Variants in MYT1L observed in about 807,000 individuals in gnomAD.
MYT1L encodes the protein myelin transcription factor 1 like, also known as myelin transcription factor 1-like protein.
Under a neutral mutation model 126.7 loss-of-function variants are expected in MYT1L, and 12 were observed. The observed-to-expected ratio is 0.09, with a 90% CI of 0.06 to 0.15. The LOEUF (loss-of-function observed/expected upper bound fraction) is 0.15. Among genes scored for constraint, MYT1L ranks in the 10% least tolerant of loss-of-function variants. The pLI is 1.00. For synonymous variants in MYT1L, 541 were observed against 604.2 expected, an observed-to-expected ratio of 0.90 and a Z score of 1.53; for missense variants, 979 against 1,585.2, an observed-to-expected ratio of 0.62 and a Z score of 6.49.
At chr2:2,321,280 G>A (rs1231102140) in intron 1 of MYT1L, among the ~76,000 whole-genome samples, 1 of 152,158 alleles carries the variant, frequency 6.6e-6, no homozygotes, top group East Asian at 1.9e-4. Context: ...CGGCAGATGC[G>A]GCACTGATTT....
chr2:2,236,826 TTTTTTTGATGGAG>T (rs2094332593), intron 2 of MYT1L, among the ~76,000 whole-genome samples: 1 of 134,316 alleles, frequency 7.4e-6, no homozygotes, highest in Non-Finnish European at 1.5e-5. Flanking sequence ...TTTTTTTTTT[TTTTTTTGATGGAG>T]TTTCGCTCTT....
intron 2 of MYT1L, among the ~76,000 whole-genome samples, chr2:2,185,838 AG>A (rs1406670669): frequency 2.4e-5 from 3 of 122,478 alleles, no homozygotes; most frequent in African/African-American, 1.0e-4. Context: ...TCCTTCTGTG[AG>A]GGGGACGCAG....
chr2:2,248,438 T>C (rs2094574960), intron 2 of MYT1L, among the ~76,000 whole-genome samples: 1 of 152,148 alleles, frequency 6.6e-6, no homozygotes. Context: ...TGCTGAATTC[T>C]ACCAAGCATT....
chr2:1,956,219 ATCTATCTG>A (rs2058353631), intron 8 of MYT1L, among the ~76,000 whole-genome samples: 2 of 133,048 alleles, frequency 1.5e-5, no homozygotes, highest in Admixed American at 7.0e-5. Flanking sequence ...CTATCTATCT[ATCTATCTG>A]TCTATCATCT....
rs77166718 is a variant in MYT1L at position 2,321,332 on chromosome 2, G to A, written c.-521+9635C>T. 1.9e-3 allele frequency among the ~76,000 whole-genome samples: 291 copies of A among 152,242 alleles called. 2 individuals are homozygous for A. Among genetic ancestry groups the A allele is most frequent in the African/African-American group, 6.6e-3 (275 of 41,530 alleles). Reference sequence around the variant, plus strand: ...TACCAGGCAGCTCCAGAGCAGACTCGGTTTGATGGCTCTCTATGGGGTGCC... The same window carrying A: ...TACCAGGCAGCTCCAGAGCAGACTCAGTTTGATGGCTCTCTATGGGGTGCC... On this transcript the variant is annotated intron_variant, in intron 1 of 24. Transcript: ENST00000647738.
At chr2:2,071,658 T>TTTGAAC (rs1252331475) in intron 3 of MYT1L, among the ~76,000 whole-genome samples, 3 of 152,192 alleles carry the variant, frequency 2.0e-5, no homozygotes, top group African/African-American at 7.2e-5. Context: ...GGAAGAAACA[T>TTTGAAC]TTGAACTTTG....
At chr2:2,167,022 A>G (rs1170165440) in intron 3 of MYT1L, among the ~76,000 whole-genome samples, 1 of 152,186 alleles carries the variant, frequency 6.6e-6, no homozygotes, top group Non-Finnish European at 1.5e-5. Flanking sequence ...ACACAGATGT[A>G]AATCAGGTCA....
At position 2,202,781 on chromosome 2, in the gene MYT1L, C is replaced by T. The variant is rs552556174; in HGVS notation, c.-420-29793G>A. 3.2e-3 allele frequency among the ~76,000 whole-genome samples: 483 copies of T among 152,288 alleles called. 3 individuals are homozygous for T. Among genetic ancestry groups the T allele is most frequent in the African/African-American group, 0.011 (462 of 41,556 alleles). On this transcript the variant is annotated intron_variant, in intron 2 of 24. Coordinates refer to ENST00000647738, the MANE Select transcript of MYT1L (RefSeq NM_001303052.2). ...TCCCTAACTCATTTTATGAGGCCAA[C>T]ATCATCCTGATACCAAAGCCTGGCA...
At chr2:2,027,445 G>T (rs1011041260) in intron 4 of MYT1L, among the ~76,000 whole-genome samples, 1 of 152,156 alleles carries the variant, frequency 6.6e-6, no homozygotes, top group African/African-American at 2.4e-5. Context: ...AGACGCTGCC[G>T]GATGACCCCC....
intron 5 of MYT1L, among the ~76,000 whole-genome samples, chr2:1,989,184 T>C (rs1276477525): frequency 2.0e-5 from 3 of 152,158 alleles, no homozygotes; most frequent in South Asian, 4.1e-4. Flanking sequence ...CTTTTCTAGA[T>C]GAGAATATTT....
At chr2:1,874,064 G>A (rs1433950259) in intron 18 of MYT1L, among the ~76,000 whole-genome samples, 1 of 134,066 alleles carries the variant, frequency 7.5e-6, no homozygotes, top group Admixed American at 7.1e-5. Context: ...GGCAAGGAGA[G>A]GGCAGCCAGG....
intron 3 of MYT1L, among the ~76,000 whole-genome samples, chr2:2,095,382 G>T (rs187947844): frequency 3.4e-4 from 52 of 152,330 alleles, no homozygotes; most frequent in Non-Finnish European, 6.2e-4. Flanking sequence ...TATGGGCATT[G>T]TTGTTACAAG....
intron 9 of MYT1L, among the ~76,000 whole-genome samples, chr2:1,940,216 C>T (rs1265857853): frequency 2.0e-5 from 3 of 150,450 alleles, no homozygotes; most frequent in African/African-American, 7.3e-5. Flanking sequence ...TGCACCCTGC[C>T]AGGATGTTCA....
intron 1 of MYT1L, among the ~76,000 whole-genome samples, chr2:2,295,703 GACAGACAGAC>G (rs2095674486): frequency 1.7e-5 from 2 of 116,814 alleles, no homozygotes; most frequent in South Asian, 2.7e-4. Flanking sequence ...GAGAGAGAGA[GACAGACAGAC>G]AGAGAGAGAG....
At chr2:1,805,009 G>A (rs1371266218) in intron 22 of MYT1L, among the ~76,000 whole-genome samples, 1 of 152,158 alleles carries the variant, frequency 6.6e-6, no homozygotes. Flanking sequence ...AGGTGCCAAG[G>A]TGCTAAGAGG....
At chr2:2,130,907 A>T (rs2082283821) in intron 3 of MYT1L, among the ~76,000 whole-genome samples, 2 of 152,220 alleles carry the variant, frequency 1.3e-5, no homozygotes, top group Non-Finnish European at 2.9e-5. Flanking sequence ...GCAAGAAAAA[A>T]ATCTTTAAAG....
intron 2 of MYT1L, among the ~76,000 whole-genome samples, chr2:2,202,656 G>A (rs2093134565): frequency 6.6e-6 from 1 of 152,148 alleles, no homozygotes; most frequent in African/African-American, 2.4e-5. Flanking sequence ...AAAATGTTCA[G>A]GACCAGATGG....
chr2:2,109,038 C>T (rs2150555071), intron 3 of MYT1L, among the ~76,000 whole-genome samples: 1 of 152,328 alleles, frequency 6.6e-6, no homozygotes, highest in African/African-American at 2.4e-5. Context: ...CAAAGAGACA[C>T]AGCACACATT....
intron 3 of MYT1L, among the ~76,000 whole-genome samples, chr2:2,169,798 G>A (rs1424545080): frequency 1.3e-5 from 2 of 152,088 alleles, no homozygotes; most frequent in Admixed American, 6.6e-5. Context: ...CACCCTTCCG[G>A]GAAGATGTTT....
Sources: gnomAD v4.1 joint callset for allele counts (sites outside exome capture counted in the v4.1 genomes callset) on GRCh38, gnomAD v4.1.1 for gene constraint, MANE v1.5 for transcripts, NCBI Gene and HGNC (gene_info 2026-07-23, HGNC 2026-07-21) for gene names.